The following COBL variants were observed in gnomAD, a reference collection of about 807,000 sequenced individuals.
The protein encoded by COBL is protein cordon-bleu.
Under a neutral mutation model 98.8 loss-of-function variants are expected in COBL, and 51 were observed. The ratio of observed to expected loss-of-function variants is 0.52; its 90% CI spans 0.41 to 0.65. The LOEUF (loss-of-function observed/expected upper bound fraction) is 0.65, where lower values mean the gene tolerates loss of function less well. Ranked by LOEUF, COBL falls within the 30% of genes least tolerant of loss-of-function variation. COBL has a pLI of 0.00. For missense variants in COBL, 1,617 were observed against 1,617.5 expected, an observed-to-expected ratio of 1.00 and a Z score of 0.01; for synonymous variants, 634 against 651.7, an observed-to-expected ratio of 0.97 and a Z score of 0.41.
intron 1 of COBL, chr7:51,260,226 T>C: frequency 1.6e-6 from 1 of 639,414 alleles, no homozygotes. Context: ...AAGATGGCAC[T>C]CACTCTATCA....
chr7:51,194,169 C>T (rs575123688), intron 2 of COBL, among the ~76,000 whole-genome samples: 1 of 152,268 alleles, frequency 6.6e-6, no homozygotes, highest in East Asian at 1.9e-4. Flanking sequence ...CATGTGTTGA[C>T]ATCATTTAGC....
intron 4 of COBL, among the ~76,000 whole-genome samples, chr7:51,190,639 G>A (rs941289929): frequency 6.6e-6 from 1 of 152,154 alleles, no homozygotes; most frequent in Non-Finnish European, 1.5e-5. Context: ...GACATGTTCA[G>A]GGCTGGGAGA....
intron 3 of COBL, among the ~76,000 whole-genome samples, chr7:51,192,283 A>G (rs1231112754): frequency 6.6e-6 from 1 of 152,232 alleles, no homozygotes; most frequent in African/African-American, 2.4e-5. Context: ...TTTTAATTTT[A>G]GCTAAAAGAT....
At chr7:51,083,349 C>A in intron 7 of COBL, 1 of 667,422 alleles carries the variant, frequency 1.5e-6, no homozygotes, top group Admixed American at 3.3e-5. Flanking sequence ...TCCAGCCACA[C>A]CTAACACCAG....
At chr7:51,189,543 A>T (rs1203443617) in intron 4 of COBL, among the ~76,000 whole-genome samples, 1 of 152,164 alleles carries the variant, frequency 6.6e-6, no homozygotes, top group Non-Finnish European at 1.5e-5. Context: ...CTGAGGCAGG[A>T]GAATCACTTG....
intron 7 of COBL, among the ~76,000 whole-genome samples, chr7:51,070,636 C>T (rs1562871466): frequency 6.6e-6 from 1 of 152,146 alleles, no homozygotes; most frequent in Non-Finnish European, 1.5e-5. Context: ...CACGTGGAAA[C>T]GTTTTGAATT....
chr7:51,146,179 A>G (rs1413304707), intron 5 of COBL, among the ~76,000 whole-genome samples: 8 of 152,358 alleles, frequency 5.3e-5, no homozygotes, highest in African/African-American at 1.9e-4. Context: ...TGTCTTCTTC[A>G]AAAAGTGTAT....
intron 5 of COBL, among the ~76,000 whole-genome samples, chr7:51,140,426 C>T (rs542524241): frequency 4.6e-5 from 7 of 152,292 alleles, no homozygotes; most frequent in East Asian, 1.9e-4. Context: ...GGAAGCTAAC[C>T]GTTTCCAGAT....
At chr7:51,259,400 GGCA>G (rs1202950087) in intron 1 of COBL, 2 of 431,748 alleles carry the variant, frequency 4.6e-6, no homozygotes, top group Non-Finnish European at 8.5e-6. Flanking sequence ...TCAGCCCAAG[GGCA>G]GTTTTCAGCC....
intron 5 of COBL, among the ~76,000 whole-genome samples, chr7:51,139,616 T>A (rs1269977474): frequency 1.3e-5 from 2 of 152,220 alleles, no homozygotes; most frequent in Non-Finnish European, 2.9e-5. Context: ...GTTCTGCTAC[T>A]CAACAGTGTT....
intron 5 of COBL, among the ~76,000 whole-genome samples, chr7:51,148,021 G>C (rs997768729): frequency 2.6e-4 from 39 of 151,898 alleles, no homozygotes; most frequent in Admixed American, 2.6e-3. Context: ...CTTGGCCTCC[G>C]AAAGTGCTGG....
chr7:51,085,474 G>A (rs559060395), intron 6 of COBL, among the ~76,000 whole-genome samples, 170 bp from the exon 7 acceptor site: 3 of 152,328 alleles, frequency 2.0e-5, no homozygotes, highest in South Asian at 2.1e-4. Flanking sequence ...ACACAGGCAG[G>A]GGAGGCCATG....
chr7:51,305,541 A>G (rs1430760051), intron 1 of COBL, among the ~76,000 whole-genome samples: 1 of 140,604 alleles, frequency 7.1e-6, no homozygotes, highest in Non-Finnish European at 1.6e-5. Flanking sequence ...GTTCTAACAG[A>G]AGGAGGATTC....
At chr7:51,231,971 C>T (rs1339559917) in intron 1 of COBL, among the ~76,000 whole-genome samples, 5 of 152,108 alleles carry the variant, frequency 3.3e-5, no homozygotes, top group African/African-American at 9.7e-5. Context: ...CTGCCATGGT[C>T]GGACCTGAGT....
At chr7:51,129,904 A>G (rs1218261188) in intron 6 of COBL, among the ~76,000 whole-genome samples, 7 of 152,180 alleles carry the variant, frequency 4.6e-5, no homozygotes, top group Admixed American at 2.6e-4. Context: ...AGGTGTAAAG[A>G]AGATTCTCCA....
intron 1 of COBL, among the ~76,000 whole-genome samples, chr7:51,251,933 CTA>C (rs1491562165): frequency 6.6e-6 from 1 of 152,020 alleles, no homozygotes; most frequent in African/African-American, 2.4e-5. Context: ...GTTCTGCACT[CTA>C]AAGTCCTTTA....
At chr7:51,197,288 A>C (rs1426630527) in intron 2 of COBL, among the ~76,000 whole-genome samples, 3 of 152,086 alleles carry the variant, frequency 2.0e-5, no homozygotes, top group East Asian at 1.9e-4. Flanking sequence ...AACCAAAAGT[A>C]AGTCAGGAGC....
At chr7:51,199,416 G>A (rs1298342844) in intron 2 of COBL, among the ~76,000 whole-genome samples, 1 of 152,040 alleles carries the variant, frequency 6.6e-6, no homozygotes, top group Non-Finnish European at 1.5e-5. Context: ...GGACCACAAA[G>A]CATTAGGTAA....
At chr7:51,230,032 G>A (rs75505932) in intron 1 of COBL, among the ~76,000 whole-genome samples, 1,880 of 152,146 alleles carry the variant, frequency 0.012, 38 homozygotes, top group African/African-American at 0.043. Context: ...GAATTTAACC[G>A]TGTCCCTGAC....
Sources: allele counts gnomAD v4.1 joint callset (sites outside exome capture counted in the v4.1 genomes callset), GRCh38; gene constraint gnomAD v4.1.1; transcripts MANE v1.5; gene names NCBI Gene and HGNC (gene_info 2026-07-23, HGNC 2026-07-21).